The following ERBB2 variants were observed in gnomAD, a reference collection of about 807,000 sequenced individuals.
ERBB2 encodes erb-b2 receptor tyrosine kinase 2, also known as receptor tyrosine-protein kinase erbB-2.
Under a neutral mutation model 149.0 loss-of-function variants are expected in ERBB2, and 61 were observed. The ratio of observed to expected loss-of-function variants is 0.41; its 90% CI spans 0.33 to 0.51. The LOEUF is 0.51. Among genes scored for constraint, ERBB2 ranks in the 20% least tolerant of loss-of-function variants. The probability of loss-of-function intolerance (pLI) is 0.25; values close to 1 mark genes in which losing one functional copy is unlikely to be tolerated. For missense variants in ERBB2, 1,205 were observed against 1,655.1 expected, an observed-to-expected ratio of 0.73 and a Z score of 4.72; for synonymous variants, 633 against 678.8, an observed-to-expected ratio of 0.93 and a Z score of 1.05.
chr17:39,721,776 AGACT>A (rs1357766712), intron 16 of ERBB2, among the ~76,000 whole-genome samples: 49 of 152,226 alleles, frequency 3.2e-4, no homozygotes, highest in African/African-American at 1.2e-3. Context: ...GTATGCATAC[AGACT>A]GTGTGCTGAT....
rs2145270441 is a variant in ERBB2, at chr17:39,700,311, G to C, written c.73G>C (p.Val25Leu). Reference sequence around the variant, plus strand: ...GCCCCCCGGAGCCGCGAGCACCCAAGGTGGGTCTGGTGTGGGGAGGGGACG... The same window carrying C: ...GCCCCCCGGAGCCGCGAGCACCCAACGTGGGTCTGGTGTGGGGAGGGGACG... ...LLPPGAASTQ[V>L]CTGTDMKLRL... is the part of the protein sequence containing the mutation. The change falls in exon 1 of 27, where the codon GTG (valine) becomes CTG (leucine). Residue 25 changes from valine (V) to leucine (L), a missense_variant and splice_region_variant. Around this residue, in one of 6 missense-constraint regions of ERBB2, gnomAD observed 101 missense variants for 95.1 expected, o/e 1.06. Transcript: ENST00000269571. 1 of 1,409,746 alleles carries C rather than the reference G, an allele frequency of 7.1e-7. No homozygotes were observed. Among genetic ancestry groups the C allele is most frequent in the Non-Finnish European group, 9.2e-7 (1 of 1,083,098 alleles). The allele number at this position is 1,409,746 out of a possible 1,614,324, so 87.3% of individuals were successfully genotyped here.
At chr17:39,705,535 C>A (rs897336931) in intron 1 of ERBB2, among the ~76,000 whole-genome samples, 35 of 152,120 alleles carry the variant, frequency 2.3e-4, no homozygotes, top group Admixed American at 5.2e-4. Context: ...GACATGGACC[C>A]TTGAGTTCTA....
rs562773948 is a variant in ERBB2 at position 39,727,724 on chromosome 17, C to G, written c.3448C>G (p.Pro1150Ala). The change falls in exon 27 of 27, where the codon CCT (proline) becomes GCT (alanine). Residue 1150 changes from proline (P) to alanine (A), a missense_variant. Pro to Ala is a conservative substitution (Grantham distance 27). This residue lies in a region of ERBB2 where 312 missense variants were observed against 343.8 expected (regional missense o/e 0.91). Coordinates refer to ENST00000269571, the MANE Select transcript of ERBB2 (RefSeq NM_004448.4). This position sits in a 1 kb window ranked among gnomAD's most constrained non-coding sequence, Gnocchi z 4.3. Reference protein sequence around the residue: ...VNQPDVRPQPPSPREGPLPAA... With the variant: ...VNQPDVRPQPASPREGPLPAA... ...CCAGCCAGATGTTCGGCCCCAGCCC[C>G]CTTCGCCCCGAGAGGGCCCTCTGCC... 1 of 1,573,796 alleles carries G rather than the reference C, an allele frequency of 6.4e-7. No homozygotes were observed. The highest frequency in any genetic ancestry group is 1.8e-5 in the Admixed American group (1 of 54,722).
At position 39,715,280 on chromosome 17, in the gene ERBB2, C is replaced by G. The variant is rs766580143; in HGVS notation, c.1149-6C>G. 6.2e-7 allele frequency: 1 copy of G among 1,613,888 alleles called. No homozygotes were observed. The highest frequency in any genetic ancestry group is 1.3e-5 in the African/African-American group (1 of 75,008). ...GCCCTGCTGACTCCTCTCCTGACCC[C>G]TCCAGGGACCCAGCCTCCAACACTG... On this transcript the variant is annotated splice_polypyrimidine_tract_variant and splice_region_variant and intron_variant, in intron 9 of 26. Transcript: ENST00000269571.
Position 39,710,337 on chromosome 17 carries a change from CA to C in ERBB2, c.760-2del. 6.2e-7 allele frequency: 1 copy of C among 1,614,148 alleles called. No individual in the cohort carries two copies. The highest frequency in any genetic ancestry group is 8.5e-7 in the Non-Finnish European group (1 of 1,180,036). ...AGTGAAAGCCAGCCACCTGTCCCCC[CA>C]GGCCTGCCTCCACTTCAACCACAGT... On this transcript the variant is annotated splice_acceptor_variant, in intron 6 of 26. Transcript: ENST00000269571. LOFTEE classifies it high-confidence loss of function.
At position 39,709,303 on chromosome 17, in the gene ERBB2, T is replaced by C; in HGVS notation, c.440-15T>C. On this transcript the variant is annotated splice_polypyrimidine_tract_variant and intron_variant, in intron 3 of 26. Coordinates refer to ENST00000269571, the MANE Select transcript of ERBB2 (RefSeq NM_004448.4). ...AGAAGGGGAAAGGGTCCTCTGATCA[T>C]TGCTCACCCCACAGAGATCTTGAAA... 1 of 1,613,888 alleles carries C rather than the reference T, an allele frequency of 6.2e-7. No homozygotes were observed. Among genetic ancestry groups the C allele is most frequent in the Non-Finnish European group, 8.5e-7 (1 of 1,179,892 alleles).
At position 39,707,060 on chromosome 17, in the gene ERBB2, C is replaced by T. The variant is rs1371730588; in HGVS notation, c.144C>T (p.His48=). The change falls in exon 2 of 27, where the codon CAC becomes CAT. Residue 48 remains histidine (H), a synonymous_variant. Transcript: ENST00000269571. ...AGACCCACCTGGACATGCTCCGCCACCTCTACCAGGGCTGCCAGGTGGTGC... is the reference window on the plus strand; with the variant it reads ...AGACCCACCTGGACATGCTCCGCCATCTCTACCAGGGCTGCCAGGTGGTGC... ...SPETHLDMLR[H]LYQGCQVVQG... 3 of 1,608,680 alleles carry T rather than the reference C, an allele frequency of 1.9e-6. No individual in the cohort carries two copies. Among genetic ancestry groups the T allele is most frequent in the Non-Finnish European group, 1.7e-6 (2 of 1,177,806 alleles).
At chr17:39,699,196 G>A (rs1318965528), upstream of ERBB2, among the ~76,000 whole-genome samples, 2 of 152,162 alleles carry the variant, frequency 1.3e-5, no homozygotes, top group East Asian at 1.9e-4. Flanking sequence ...GCAGTTGCTC[G>A]TGGTTGTAAT....
At chr17:39,699,494 C>T, upstream of ERBB2, 2 of 1,493,550 alleles carry the variant, frequency 1.3e-6, no homozygotes, top group East Asian at 2.5e-5. Flanking sequence ...ATGTGACTGT[C>T]TCCTCCCAAA....
chr17:39,726,280 C>T lies in ERBB2; in HGVS notation c.2873-282C>T, dbSNP rs931882073. On this transcript the variant is annotated intron_variant, in intron 23 of 26. Transcript: ENST00000269571. This position sits in a 1 kb window ranked among gnomAD's most constrained non-coding sequence, Gnocchi z 5.1. ...GAGCCTAGTTTAAGGTTGCAGTAAG[C>T]TATGATTGCACCACTGAAATCCAGC... The T allele has an allele frequency of 1.0e-5, 5 of 487,328 alleles. No homozygotes were observed. The highest frequency in any genetic ancestry group is 1.9e-5 in the African/African-American group (1 of 51,888). The allele number at this position is 487,328 out of a possible 1,614,324, so 30.2% of individuals were successfully genotyped here. A position where few individuals can be genotyped will look rare whatever the true frequency, so the allele number is the denominator to read the frequency against.
upstream of ERBB2, among the ~76,000 whole-genome samples, chr17:39,692,710 C>T (rs1026917795): frequency 4.6e-5 from 7 of 151,986 alleles, no homozygotes; most frequent in Non-Finnish European, 8.8e-5. Flanking sequence ...TGGCCAGGAA[C>T]GCTTTTTATT....
chr17:39,701,889 C>T (rs1342672267), intron 1 of ERBB2, among the ~76,000 whole-genome samples: 1 of 152,170 alleles, frequency 6.6e-6, no homozygotes, highest in Non-Finnish European at 1.5e-5. Context: ...CAAGCATCTT[C>T]ACCTCTCATC....
intron 15 of ERBB2, among the ~76,000 whole-genome samples, chr17:39,718,458 T>A (rs2059268901): frequency 6.6e-6 from 1 of 152,216 alleles, no homozygotes; most frequent in African/African-American, 2.4e-5. Context: ...ACATACTACA[T>A]TTATATTAGG....
intron 2 of ERBB2, among the ~76,000 whole-genome samples, chr17:39,689,700 G>GT (rs1447925491): frequency 3.3e-5 from 5 of 152,208 alleles, no homozygotes; most frequent in South Asian, 4.1e-4. Context: ...GAGGTTAGGA[G>GT]TTTGAGACCA....
Position 39,726,074 on chromosome 17 carries a change from C to A in ERBB2, c.2872+221C>A. ...TTAAGCTGGGCACAGTGGCTCATGC[C>A]TGTAATCCCAGTACTTTTGGAGGCT... On this transcript the variant is annotated intron_variant, in intron 23 of 26. Transcript: ENST00000269571. This position sits in a 1 kb window ranked among gnomAD's most constrained non-coding sequence, Gnocchi z 5.1. 1 of 534,608 alleles carries A rather than the reference C, an allele frequency of 1.9e-6. No homozygotes were observed. Among genetic ancestry groups the A allele is most frequent in the Non-Finnish European group, 3.3e-6 (1 of 306,260 alleles). The allele number at this position is 534,608 out of a possible 1,614,324, so 33.1% of individuals were successfully genotyped here. A position where few individuals can be genotyped will look rare whatever the true frequency, so the allele number is the denominator to read the frequency against.
chr17:39,709,816 AC>A lies in ERBB2; in HGVS notation c.582del (p.Cys195ValfsTer21). 1 of 1,612,768 alleles carries A rather than the reference AC, an allele frequency of 6.2e-7. No homozygotes were observed. On this transcript the variant is annotated frameshift_variant, in exon 5 of 27. Coordinates refer to ENST00000269571, the MANE Select transcript of ERBB2 (RefSeq NM_004448.4). LOFTEE classifies it high-confidence loss of function. The part of the protein sequence containing the change: ...LIDTNRSRAC[H>X]PCSPMCKGSR... Reference sequence around the variant, plus strand: ...CTGTCTCTGGTTCTGTCCTCAGGCCACCCCTGTTCTCCGATGTGTAAGGGCT... The same window carrying A: ...CTGTCTCTGGTTCTGTCCTCAGGCCACCCTGTTCTCCGATGTGTAAGGGCT...
exon 1 of ERBB2, chr17:39,694,936 A>G (rs1482934482): frequency 6.6e-6 from 1 of 152,318 alleles, no homozygotes; most frequent in Non-Finnish European, 1.5e-5. Flanking sequence ...CCCTATACCA[A>G]ATCCGAAAAT....
upstream of ERBB2, among the ~76,000 whole-genome samples, chr17:39,698,511 G>A (rs1049517907): frequency 7.2e-5 from 11 of 151,932 alleles, no homozygotes; most frequent in Non-Finnish European, 1.3e-4. Context: ...TGCCTGCCTC[G>A]GCCTCCCAAA....
upstream of ERBB2, among the ~76,000 whole-genome samples, chr17:39,694,296 T>G (rs2057806964): frequency 3.5e-5 from 2 of 57,732 alleles, no homozygotes; most frequent in African/African-American, 1.1e-4. Context: ...TATACACATA[T>G]ATATGTGTAT....
Sources: allele counts gnomAD v4.1 joint callset (sites outside exome capture counted in the v4.1 genomes callset), GRCh38; gene constraint gnomAD v4.1.1; regional missense constraint gnomAD v4.1.1; non-coding constraint Gnocchi (gnomAD v3.1); transcripts MANE v1.5; gene names NCBI Gene and HGNC (gene_info 2026-07-23, HGNC 2026-07-21).